TLN2: variants seen among roughly 807,000 people sequenced by gnomAD.
The protein encoded by TLN2 is talin 2.
A neutral mutation model predicts 294.7 loss-of-function variants in TLN2; 118 were observed. The ratio of observed to expected loss-of-function variants is 0.40; its 90% CI spans 0.34 to 0.47. TLN2 has a LOEUF of 0.47. TLN2 is among the 20% of genes least tolerant of loss of function. TLN2 has a pLI of 0.84. For synonymous variants in TLN2, 1,431 were observed against 1,304.5 expected (o/e 1.10, Z -2.09); for missense variants, 3,083 against 3,282.2 (o/e 0.94, Z 1.48).
At chr15:62,769,858 A>G (rs1319831978) in intron 41 of TLN2, among the ~76,000 whole-genome samples, 1 of 152,204 alleles carries the variant, frequency 6.6e-6, no homozygotes, top group Non-Finnish European at 1.5e-5. Context: ...TGAGGCATTG[A>G]ACAGAAAAGT....
chr15:62,474,116 A>G lies in TLN2; in HGVS notation c.-238+83431A>G, dbSNP rs116222639. On this transcript the variant is annotated intron_variant, in intron 1 of 58. Transcript: ENST00000636159. ...ACTAAAAACAAAACAAAACAGAACA[A>G]ACAAAGGAATTGTACAGCATTCAGA... is the stretch of plus-strand genomic sequence containing the variant. 1.6e-3 allele frequency among the ~76,000 whole-genome samples: 248 copies of G among 152,314 alleles called. 1 individual carries two copies. Among genetic ancestry groups the G allele is most frequent in the African/African-American group, 5.7e-3 (238 of 41,568 alleles).
At chr15:62,678,596 C>T (rs1040000514) in intron 11 of TLN2, among the ~76,000 whole-genome samples, 4 of 151,256 alleles carry the variant, frequency 2.6e-5, no homozygotes, top group Admixed American at 6.5e-5. Flanking sequence ...TTTGGGAGGC[C>T]AGGGCAGGCA....
rs118014705 is a variant in TLN2, at chr15:62,499,623, C to T, written c.-237-90064C>T. Among the ~76,000 whole-genome samples the T allele has an allele frequency of 8.7e-4, 133 of 152,168 alleles. 1 individual carries two copies. The highest frequency in any genetic ancestry group is 4.0e-3 in the Admixed American group (61 of 15,278). ...AGGTTTCTCTTCTTTGTTTTTGAGA[C>T]GGAGTTTTGCTCTTGTTGCCCAGGC... On this transcript the variant is annotated intron_variant, in intron 1 of 58. Transcript: ENST00000636159.
chr15:62,844,565 A>G lies in TLN2; in HGVS notation c.*3955A>G, dbSNP rs1414934996. The G allele has an allele frequency of 6.6e-6, 1 of 152,154 alleles. No individual in the cohort carries two copies. Among genetic ancestry groups the G allele is most frequent in the Non-Finnish European group, 1.5e-5 (1 of 68,034 alleles). 9.4% of individuals were successfully genotyped at this position (152,154 alleles called of 1,614,324 possible). On this transcript the variant is annotated 3_prime_UTR_variant, in exon 59 of 59. Transcript: ENST00000636159. The stretch of plus-strand genomic sequence containing the variant: ...CCCTGTGTCGTATCTAATCACATAC[A>G]TTAATTTATCTAACCACATAAGTTA...
intron 44 of TLN2, among the ~76,000 whole-genome samples, chr15:62,782,226 G>A (rs562181845): frequency 6.6e-6 from 1 of 152,324 alleles, no homozygotes; most frequent in South Asian, 2.1e-4. Context: ...ATCCCTGGCT[G>A]CTGCCATTCA....
chr15:62,430,981 G>A (rs2034981369), intron 1 of TLN2, among the ~76,000 whole-genome samples: 1 of 151,620 alleles, frequency 6.6e-6, no homozygotes, highest in South Asian at 2.1e-4. Flanking sequence ...CAGGATGATA[G>A]TAATAATTTG....
chr15:62,787,471 C>T (rs1197219733), intron 45 of TLN2, among the ~76,000 whole-genome samples: 3 of 152,104 alleles, frequency 2.0e-5, no homozygotes, highest in Non-Finnish European at 4.4e-5. Flanking sequence ...ATGATTTTCT[C>T]CATTTTACTT....
intron 1 of TLN2, among the ~76,000 whole-genome samples, chr15:62,488,370 A>G: frequency 6.6e-6 from 1 of 152,118 alleles, no homozygotes; most frequent in East Asian, 1.9e-4. Flanking sequence ...AGGTCAGGAA[A>G]GGCTTAACCA....
At chr15:62,817,813 T>A (rs542332905) in intron 52 of TLN2, among the ~76,000 whole-genome samples, 13 of 146,602 alleles carry the variant, frequency 8.9e-5, no homozygotes, top group Admixed American at 2.8e-4. Flanking sequence ...TTCCATTCTA[T>A]CTTTTTTTTT....
At chr15:62,543,818 T>C (rs764131523) in intron 1 of TLN2, among the ~76,000 whole-genome samples, 1 of 151,550 alleles carries the variant, frequency 6.6e-6, no homozygotes, top group Admixed American at 6.6e-5. Context: ...AAATAGTTAA[T>C]GAATGAAATA....
In TLN2 at chr15:62,792,766, C is replaced by T. The variant is rs759671067; in HGVS notation, c.5862C>T (p.Cys1954=). 1.2e-5 allele frequency: 20 copies of T among 1,613,998 alleles called. No homozygotes were observed. The highest frequency in any genetic ancestry group is 8.3e-5 in the Admixed American group (5 of 60,020). The change falls in exon 46 of 59, where the codon TGC becomes TGT. Residue 1954 remains cysteine (C), a synonymous_variant. Coordinates refer to ENST00000636159, the MANE Select transcript of TLN2 (RefSeq NM_015059.3). ...ACACCAAGAGGGAGCTGATCGAATG[C>T]GCCCGTGCCGTCACGGAAAAGGTAA... ...DSYTKRELIE[C]ARAVTEKVSL...
In TLN2 at chr15:62,805,585, G is replaced by C. The variant is rs1555514586; in HGVS notation, c.6478-15G>C. On this transcript the variant is annotated splice_polypyrimidine_tract_variant and intron_variant, in intron 50 of 58. Transcript: ENST00000636159. The stretch of plus-strand genomic sequence containing the variant: ...CCTTTTTGATTTTTTTAACCTCTCT[G>C]TTTCTGACTTCCAGGTGTTCCAGTC... The C allele has an allele frequency of 1.3e-6, 2 of 1,581,410 alleles. No individual in the cohort carries two copies. Among genetic ancestry groups the C allele is most frequent in the Non-Finnish European group, 1.7e-6 (2 of 1,158,490 alleles).
At chr15:62,624,994 A>C (rs1222917205) in intron 3 of TLN2, among the ~76,000 whole-genome samples, 9 of 152,114 alleles carry the variant, frequency 5.9e-5, no homozygotes, top group Admixed American at 5.9e-4. Flanking sequence ...CTCTTTTTTA[A>C]TTTTTATTTT....
intron 11 of TLN2, among the ~76,000 whole-genome samples, chr15:62,681,112 G>T (rs2056791891): frequency 6.6e-6 from 1 of 152,220 alleles, no homozygotes; most frequent in Admixed American, 6.5e-5. Context: ...GGGATTGCTG[G>T]ATCAAATGGT....
intron 3 of TLN2, chr15:62,638,355 A>G (rs116525722): frequency 0.039 from 14,223 of 360,840 alleles, 360 homozygotes; most frequent in Non-Finnish European, 0.055. Flanking sequence ...TAGGCAGCAA[A>G]TGCACATATC....
chr15:62,755,387 A>G (rs760765644), intron 36 of TLN2, 145 bp from the exon 37 acceptor site: 2 of 983,776 alleles, frequency 2.0e-6, no homozygotes, highest in Non-Finnish European at 2.9e-6. Flanking sequence ...TCTTGGAGTG[A>G]CTTTGAGGGT....
intron 1 of TLN2, among the ~76,000 whole-genome samples, chr15:62,460,927 G>A (rs2036765821): frequency 6.6e-6 from 1 of 151,464 alleles, no homozygotes; most frequent in Non-Finnish European, 1.5e-5. Context: ...AGTTTTGCTT[G>A]TGTGTGTGTG....
rs145279534 is a variant in TLN2, at chr15:62,461,308, T to TTTCAACATGA, written c.-238+70624_-238+70625insTCAACATGAT. ...CCAGTGTGTCCTCTTGTTTCTGGTT[T>TTTCAACATGA]TGTTCAGCATGATGTTTGTGAGATT... On this transcript the variant is annotated intron_variant, in intron 1 of 58. Coordinates refer to ENST00000636159, the MANE Select transcript of TLN2 (RefSeq NM_015059.3). Among the ~76,000 whole-genome samples, 1,259 of 152,290 alleles carry TTTCAACATGA rather than the reference T, an allele frequency of 8.3e-3. 20 individuals carry two copies. The highest frequency in any genetic ancestry group is 0.028 in the African/African-American group (1,149 of 41,550).
intron 18 of TLN2, 56 bp downstream of exon 18, chr15:62,702,256 G>C: frequency 2.0e-6 from 3 of 1,504,898 alleles, no homozygotes; most frequent in Non-Finnish European, 2.7e-6. Flanking sequence ...TGCATCCACT[G>C]GGGGACCATG....
Sources: gnomAD v4.1 joint callset for allele counts (sites outside exome capture counted in the v4.1 genomes callset) on GRCh38, gnomAD v4.1.1 for gene constraint, MANE v1.5 for transcripts, NCBI Gene and HGNC (gene_info 2026-07-23, HGNC 2026-07-21) for gene names.